STAT4: variants seen among roughly 807,000 people sequenced by gnomAD.
STAT4 encodes the protein signal transducer and activator of transcription 4.
Under a neutral mutation model 110.5 loss-of-function variants are expected in STAT4, and 42 were observed. The observed-to-expected ratio is 0.38, with a 90% CI of 0.30 to 0.49. STAT4 has a LOEUF of 0.49. STAT4 is among the 20% of genes least tolerant of loss of function. The pLI is 0.95. For synonymous variants in STAT4, 284 were observed against 302.2 expected (o/e 0.94, Z 0.63); for missense variants, 632 against 887.9 (o/e 0.71, Z 3.66).
intron 3 of STAT4, among the ~76,000 whole-genome samples, chr2:191,084,968 G>A (rs1159568487): frequency 2.6e-5 from 4 of 151,020 alleles, no homozygotes; most frequent in African/African-American, 9.7e-5. Flanking sequence ...ACTATACAAA[G>A]GTAAAAAAAG....
In STAT4 at chr2:191,117,079, T is replaced by G. The variant is rs755889278; in HGVS notation, c.273+29534A>C. Among the ~76,000 whole-genome samples the G allele has an allele frequency of 1.3e-5, 2 of 152,028 alleles. No individual in the cohort carries two copies. Among genetic ancestry groups the G allele is most frequent in the African/African-American group, 4.8e-5 (2 of 41,392 alleles). ...TCCAATAGGAACAGAATCTCTGGAG[T>G]GGGGCTGCGCATGGCTAATTTTCAA... is the stretch of plus-strand genomic sequence containing the variant. On this transcript the variant is annotated intron_variant, in intron 3 of 23. Coordinates refer to ENST00000392320, the MANE Select transcript of STAT4 (RefSeq NM_003151.4). The surrounding 1 kb of genome is among the most constrained non-coding windows in gnomAD (Gnocchi z 5.2).
At chr2:191,133,518 C>A (rs1231204732) in intron 3 of STAT4, among the ~76,000 whole-genome samples, 9 of 151,450 alleles carry the variant, frequency 5.9e-5, no homozygotes, top group Admixed American at 5.9e-4. Flanking sequence ...CTTCCATCTG[C>A]ATATATACAT....
At chr2:191,108,143 T>C (rs917566798) in intron 3 of STAT4, among the ~76,000 whole-genome samples, 2 of 151,900 alleles carry the variant, frequency 1.3e-5, no homozygotes, top group Non-Finnish European at 2.9e-5. Flanking sequence ...ATAGAAAAAT[T>C]TGCCAGACAT....
Position 191,146,434 on chromosome 2 carries a change from T to C in STAT4, c.273+179A>G, listed in dbSNP as rs1156759057. Among the ~76,000 whole-genome samples, 1 of 152,136 alleles carries C rather than the reference T, an allele frequency of 6.6e-6. No individual in the cohort carries two copies. The highest frequency in any genetic ancestry group is 1.5e-5 in the Non-Finnish European group (1 of 68,024). On this transcript the variant is annotated intron_variant, in intron 3 of 23. Coordinates refer to ENST00000392320, the MANE Select transcript of STAT4 (RefSeq NM_003151.4). This position sits in a 1 kb window ranked among gnomAD's most constrained non-coding sequence, Gnocchi z 4.5. Reference sequence around the variant, plus strand: ...CACTATACTTTTAGTGTATTTTATTTTCAACATTTCATGAAAAATGTTAGG... The same window carrying C: ...CACTATACTTTTAGTGTATTTTATTCTCAACATTTCATGAAAAATGTTAGG...
At chr2:191,073,488 A>G (rs1697224053) in intron 4 of STAT4, among the ~76,000 whole-genome samples, 1 of 152,232 alleles carries the variant, frequency 6.6e-6, no homozygotes, top group African/African-American at 2.4e-5. Context: ...AGAGTTTGAG[A>G]CCAGCCTGGG....
rs939609025 is a variant in STAT4 at position 191,142,115 on chromosome 2, G to A, written c.273+4498C>T. Reference sequence around the variant, plus strand: ...AAATTAGAATATAAAAGAGATGCCTGCACTTGCATGTTTATTGCAGGACTA... The same window carrying A: ...AAATTAGAATATAAAAGAGATGCCTACACTTGCATGTTTATTGCAGGACTA... On this transcript the variant is annotated intron_variant, in intron 3 of 23. Coordinates refer to ENST00000392320, the MANE Select transcript of STAT4 (RefSeq NM_003151.4). The surrounding 1 kb of genome is among the most constrained non-coding windows in gnomAD (Gnocchi z 4.1). Among the ~76,000 whole-genome samples the A allele has an allele frequency of 6.6e-6, 1 of 152,094 alleles. No individual in the cohort carries two copies. The highest frequency in any genetic ancestry group is 2.4e-5 in the African/African-American group (1 of 41,416).
intron 3 of STAT4, among the ~76,000 whole-genome samples, chr2:191,087,701 C>A (rs1431332431): frequency 6.6e-6 from 1 of 151,944 alleles, no homozygotes; most frequent in Non-Finnish European, 1.5e-5. Context: ...ATGGCTTCTA[C>A]CTAATCTTTC....
At chr2:191,093,655 A>G (rs771053281) in intron 3 of STAT4, among the ~76,000 whole-genome samples, 1 of 152,226 alleles carries the variant, frequency 6.6e-6, no homozygotes, top group Non-Finnish European at 1.5e-5. Flanking sequence ...AAAGCTGAGA[A>G]TTCTAAAAAT....
chr2:191,070,681 A>G (rs143884147), intron 5 of STAT4, among the ~76,000 whole-genome samples: 26 of 152,354 alleles, frequency 1.7e-4, no homozygotes, highest in South Asian at 6.2e-4. Flanking sequence ...CTCATCACAA[A>G]TTTTAAATTT....
intron 6 of STAT4, chr2:191,068,543 T>C (rs1227133434): frequency 6.6e-6 from 1 of 152,170 alleles, no homozygotes; most frequent in Admixed American, 6.6e-5. Flanking sequence ...CAATCATTCA[T>C]ATTTCCTTCA....
chr2:191,074,888 C>T (rs146124540), intron 4 of STAT4, among the ~76,000 whole-genome samples: 25 of 152,218 alleles, frequency 1.6e-4, no homozygotes, highest in East Asian at 1.2e-3. Context: ...TGGCCGGGGG[C>T]GGTGGCTCAC....
rs1032265127 is a variant in STAT4 at position 191,107,208 on chromosome 2, T to G, written c.274-30883A>C. Among the ~76,000 whole-genome samples, 2 of 152,214 alleles carry G rather than the reference T, an allele frequency of 1.3e-5. No individual in the cohort carries two copies. The highest frequency in any genetic ancestry group is 3.8e-4 in the East Asian group (2 of 5,198). ...TTGTTTTGTGAGGTCTTTGGTATGATAGTAGTCATTTTATCCCCAGGGTCA... is the reference window on the plus strand; with the variant it reads ...TTGTTTTGTGAGGTCTTTGGTATGAGAGTAGTCATTTTATCCCCAGGGTCA... On this transcript the variant is annotated intron_variant, in intron 3 of 23. Coordinates refer to ENST00000392320, the MANE Select transcript of STAT4 (RefSeq NM_003151.4). The surrounding 1 kb of genome is among the most constrained non-coding windows in gnomAD (Gnocchi z 4.2).
chr2:191,086,575 T>C lies in STAT4; in HGVS notation c.274-10250A>G, dbSNP rs993475855. ...TGCTATGATGTTGTCTTTAGTAAAA[T>C]TGGGGGATTGGAAAGAGAAAAATTA... On this transcript the variant is annotated intron_variant, in intron 3 of 23. Transcript: ENST00000392320. This position sits in a 1 kb window ranked among gnomAD's most constrained non-coding sequence, Gnocchi z 5.5. 2.6e-5 allele frequency among the ~76,000 whole-genome samples: 4 copies of C among 152,152 alleles called. No homozygotes were observed. The highest frequency in any genetic ancestry group is 9.7e-5 in the African/African-American group (4 of 41,436).
At chr2:191,069,231 G>A (rs1050589486) in intron 6 of STAT4, among the ~76,000 whole-genome samples, 2 of 151,744 alleles carry the variant, frequency 1.3e-5, no homozygotes, top group African/African-American at 4.8e-5. Context: ...TAATGCTTTT[G>A]CCTATATTTT....
In STAT4 at chr2:191,147,973, G is replaced by T; in HGVS notation, c.128+103C>A. ...CTTGAGAAAGTTCTTTACCTGAAAA[G>T]AATGCATCTACTGAGTAAAAAGTGG... is the stretch of plus-strand genomic sequence containing the variant. On this transcript the variant is annotated intron_variant, in intron 2 of 23. Transcript: ENST00000392320. The surrounding 1 kb of genome is among the most constrained non-coding windows in gnomAD (Gnocchi z 4.1). The T allele has an allele frequency of 2.0e-6, 3 of 1,470,636 alleles. No homozygotes were observed. Among genetic ancestry groups the T allele is most frequent in the Non-Finnish European group, 2.8e-6 (3 of 1,087,354 alleles). 91.1% of individuals were successfully genotyped at this position (1,470,636 alleles called of 1,614,324 possible). A position where few individuals can be genotyped will look rare whatever the true frequency, so the allele number is the denominator to read the frequency against.
At chr2:191,130,447 C>G (rs1159742663) in intron 3 of STAT4, among the ~76,000 whole-genome samples, 2 of 151,600 alleles carry the variant, frequency 1.3e-5, no homozygotes, top group African/African-American at 4.9e-5. Flanking sequence ...TGGTCTCGAT[C>G]TCCTGACCTC....
intron 3 of STAT4, among the ~76,000 whole-genome samples, chr2:191,094,183 G>A (rs576127915): frequency 4.1e-4 from 63 of 152,342 alleles, no homozygotes; most frequent in African/African-American, 1.5e-3. Flanking sequence ...TTATCCGGGA[G>A]AACTTTCCCA....
chr2:191,057,234 T>C (rs1369567995), intron 13 of STAT4, among the ~76,000 whole-genome samples: 1 of 152,250 alleles, frequency 6.6e-6, no homozygotes, highest in Non-Finnish European at 1.5e-5. Flanking sequence ...GATCTACTTT[T>C]TTAGTTCCCA....
intron 3 of STAT4, among the ~76,000 whole-genome samples, chr2:191,076,787 A>G (rs1418572581): frequency 2.0e-5 from 3 of 151,976 alleles, no homozygotes; most frequent in Non-Finnish European, 4.4e-5. Flanking sequence ...CTGGGACTAC[A>G]GGGATGCACC....
Sources: allele counts gnomAD v4.1 joint callset (sites outside exome capture counted in the v4.1 genomes callset), GRCh38; gene constraint gnomAD v4.1.1; non-coding constraint Gnocchi (gnomAD v3.1); transcripts MANE v1.5; gene names NCBI Gene and HGNC (gene_info 2026-07-23, HGNC 2026-07-21).